The following FHIT variants were observed in gnomAD, a reference collection of about 807,000 sequenced individuals.
FHIT encodes bis(5'-adenosyl)-triphosphatase.
Under a neutral mutation model 17.9 loss-of-function variants are expected in FHIT, and 19 were observed. The observed-to-expected ratio is 1.06, with a 90% confidence interval of 0.74 to 1.56. FHIT has a LOEUF of 1.56. Among genes scored for constraint, FHIT ranks in the 40% most tolerant of loss-of-function variants. FHIT has a pLI of 0.00. For synonymous variants in FHIT, 81 were observed against 69.7 expected (o/e 1.16, Z -0.81); for missense variants, 248 against 189.2 (o/e 1.31, Z -1.82).
At chr3:60,300,227 C>T (rs917679644) in intron 5 of FHIT, among the ~76,000 whole-genome samples, 3 of 151,952 alleles carry the variant, frequency 2.0e-5, no homozygotes, top group African/African-American at 7.2e-5. Flanking sequence ...ACACCTTTTT[C>T]CTAGAAGTGA....
rs1011087208 is a variant in FHIT, at chr3:59,747,611, T to C, written c.*1974A>G. Among the ~76,000 whole-genome samples, 2 of 152,122 alleles carry C rather than the reference T, an allele frequency of 1.3e-5. No individual in the cohort carries two copies. The highest frequency in any genetic ancestry group is 4.8e-5 in the African/African-American group (2 of 41,426). On this transcript the variant is annotated 3_prime_UTR_variant, in exon 10 of 10. Coordinates refer to ENST00000492590, the MANE Select transcript of FHIT (RefSeq NM_002012.4). Reference sequence around the variant, plus strand: ...CTTTTTGGTCTTATAGTCTTTATTCTTATATAGGGCATCTCTGGATATAGG... The same window carrying C: ...CTTTTTGGTCTTATAGTCTTTATTCCTATATAGGGCATCTCTGGATATAGG...
At chr3:59,962,731 C>A (rs1014745320) in intron 7 of FHIT, among the ~76,000 whole-genome samples, 10 of 152,114 alleles carry the variant, frequency 6.6e-5, no homozygotes, top group African/African-American at 2.4e-4. Context: ...TTTCTTGGTG[C>A]AATTTAAATA....
intron 5 of FHIT, among the ~76,000 whole-genome samples, chr3:60,500,061 G>T (rs2034461673): frequency 6.6e-6 from 1 of 152,168 alleles, no homozygotes; most frequent in Non-Finnish European, 1.5e-5. Flanking sequence ...CTAATTAAAT[G>T]ATAAATTTAC....
chr3:60,453,900 G>A (rs186208259), intron 5 of FHIT, among the ~76,000 whole-genome samples: 15 of 152,170 alleles, frequency 9.9e-5, no homozygotes, highest in South Asian at 6.2e-4. Context: ...AGCTCATTCC[G>A]AACAGACAAA....
intron 5 of FHIT, among the ~76,000 whole-genome samples, chr3:60,392,712 TG>T (rs1217339730): frequency 1.3e-5 from 2 of 152,154 alleles, no homozygotes; most frequent in Non-Finnish European, 2.9e-5. Flanking sequence ...TAACAGGAGA[TG>T]GAACCTGGTT....
chr3:60,159,582 T>C (rs1194520800), intron 5 of FHIT, among the ~76,000 whole-genome samples: 2 of 152,228 alleles, frequency 1.3e-5, no homozygotes, highest in Non-Finnish European at 2.9e-5. Context: ...GCAATCTACC[T>C]TTTTAGTACA....
At chr3:60,793,308 CTTTTTT>C (rs201439790) in intron 4 of FHIT, among the ~76,000 whole-genome samples, 1 of 146,840 alleles carries the variant, frequency 6.8e-6, no homozygotes, top group African/African-American at 2.5e-5. Flanking sequence ...TTTTCTTTTT[CTTTTTT>C]TTTTTGAGAC....
chr3:60,307,541 TTGAG>T (rs1398603307), intron 5 of FHIT, among the ~76,000 whole-genome samples: 1 of 151,736 alleles, frequency 6.6e-6, no homozygotes, highest in Non-Finnish European at 1.5e-5. Flanking sequence ...GATATTTACT[TTGAG>T]TGTGTTTTAA....
chr3:59,860,860 G>A (rs1467855477), intron 8 of FHIT, among the ~76,000 whole-genome samples: 1 of 152,164 alleles, frequency 6.6e-6, no homozygotes, highest in Non-Finnish European at 1.5e-5. Context: ...ATTATACATT[G>A]AAATAGCACG....
intron 1 of FHIT, among the ~76,000 whole-genome samples, chr3:61,230,888 T>G (rs2040083334): frequency 6.6e-6 from 1 of 152,154 alleles, no homozygotes; most frequent in Non-Finnish European, 1.5e-5. Flanking sequence ...ATTCCTACAC[T>G]AATATTCTGT....
At chr3:60,755,426 T>A (rs1285459262) in intron 4 of FHIT, among the ~76,000 whole-genome samples, 2 of 152,208 alleles carry the variant, frequency 1.3e-5, no homozygotes, top group Admixed American at 6.5e-5. Flanking sequence ...ATTCTATGGA[T>A]AATATCTCAA....
intron 8 of FHIT, among the ~76,000 whole-genome samples, chr3:59,909,994 C>G (rs1247986800): frequency 1.3e-5 from 2 of 152,204 alleles, no homozygotes; most frequent in Non-Finnish European, 2.9e-5. Context: ...ATATGCCACT[C>G]TTTCCATTCA....
chr3:60,216,692 C>A (rs1029297157), intron 5 of FHIT, among the ~76,000 whole-genome samples: 1 of 152,162 alleles, frequency 6.6e-6, no homozygotes, highest in Non-Finnish European at 1.5e-5. Flanking sequence ...ATAATCCAGA[C>A]AAATGCAGGG....
In FHIT at chr3:60,388,389, C is replaced by T. The variant is rs143117473; in HGVS notation, c.103+148471G>A. On this transcript the variant is annotated intron_variant, in intron 5 of 9. Coordinates refer to ENST00000492590, the MANE Select transcript of FHIT (RefSeq NM_002012.4). ...CTGAGGCAGGCAGACTGCTTGAGTC[C>T]AGGAGTACGAGACCTGTCTGGGCAA... Among the ~76,000 whole-genome samples the T allele has an allele frequency of 5.9e-5, 9 of 152,216 alleles. No homozygotes were observed. The East Asian group carries it at 1.6e-3, about 26-fold the overall frequency.
At chr3:60,679,886 A>C (rs561371342) in intron 4 of FHIT, among the ~76,000 whole-genome samples, 1 of 152,138 alleles carries the variant, frequency 6.6e-6, no homozygotes, top group Non-Finnish European at 1.5e-5. Flanking sequence ...TCATTTTCAA[A>C]ACATCTTTAC....
At chr3:60,875,464 T>G (rs1468832426) in intron 3 of FHIT, among the ~76,000 whole-genome samples, 1 of 152,208 alleles carries the variant, frequency 6.6e-6, no homozygotes, top group African/African-American at 2.4e-5. Context: ...AAACCTTTTC[T>G]GCCCTCTGCC....
At chr3:60,027,920 T>TG (rs1182491107) in intron 5 of FHIT, among the ~76,000 whole-genome samples, 3 of 152,226 alleles carry the variant, frequency 2.0e-5, no homozygotes, top group African/African-American at 7.2e-5. Flanking sequence ...ACTTGAAATA[T>TG]GGCTGATGTA....
At chr3:60,731,762 G>C (rs973186545) in intron 4 of FHIT, among the ~76,000 whole-genome samples, 31 of 152,082 alleles carry the variant, frequency 2.0e-4, no homozygotes, top group African/African-American at 7.5e-4. Context: ...GGAGACTATT[G>C]TTCCCTGGTG....
In FHIT at chr3:60,092,346, T is replaced by A. The variant is rs191373716; in HGVS notation, c.104-78194A>T. On this transcript the variant is annotated intron_variant, in intron 5 of 9. Coordinates refer to ENST00000492590, the MANE Select transcript of FHIT (RefSeq NM_002012.4). Reference sequence around the variant, plus strand: ...TGGCCTCAGAACACAAGTCAACTTCTTCATCTGGTTCTCAACCTAAGAAAT... The same window carrying A: ...TGGCCTCAGAACACAAGTCAACTTCATCATCTGGTTCTCAACCTAAGAAAT... 1.2e-3 allele frequency among the ~76,000 whole-genome samples: 188 copies of A among 152,310 alleles called. 2 individuals carry two copies. Among genetic ancestry groups the A allele is most frequent in the Non-Finnish European group, 9.1e-4 (62 of 68,026 alleles).
Sources: gnomAD v4.1 joint callset for allele counts (sites outside exome capture counted in the v4.1 genomes callset) on GRCh38, gnomAD v4.1.1 for gene constraint, MANE v1.5 for transcripts, NCBI Gene and HGNC (gene_info 2026-07-23, HGNC 2026-07-21) for gene names.